PCDHA3: variants seen among roughly 807,000 people sequenced by gnomAD.
The protein encoded by PCDHA3 is protocadherin alpha-3.
PCDHA3 carries 41 observed loss-of-function variants against 62.2 expected under a neutral mutation model. The observed-to-expected ratio is 0.66, with a 90% CI of 0.51 to 0.86. The LOEUF is 0.86. PCDHA3 is among the 40% of genes least tolerant of loss of function. The pLI, the probability that PCDHA3 is intolerant of heterozygous loss-of-function variation, is 0.00. For synonymous variants in PCDHA3, 640 were observed against 555.4 expected, an observed-to-expected ratio of 1.15 and a Z score of -2.14; for missense variants, 1,304 against 1,241.2, an observed-to-expected ratio of 1.05 and a Z score of -0.76.
chr5:140,892,578 T>G (rs2063581965), intron 1 of PCDHA3, among the ~76,000 whole-genome samples: 1 of 152,178 alleles, frequency 6.6e-6, no homozygotes, highest in Non-Finnish European at 1.5e-5. Context: ...AAAGTATATC[T>G]CAGTATTCAT....
intron 1 of PCDHA3, among the ~76,000 whole-genome samples, chr5:140,974,578 C>T (rs1554236214): frequency 6.6e-6 from 1 of 152,170 alleles, no homozygotes; most frequent in Admixed American, 6.5e-5. Flanking sequence ...ATGGCATGAT[C>T]TTGGCTCACT....
intron 1 of PCDHA3, chr5:140,875,466 T>A (rs782683106): frequency 2.4e-5 from 39 of 1,599,908 alleles, no homozygotes; most frequent in Admixed American, 1.2e-4. Flanking sequence ...GGCCCTCATT[T>A]TCTGCAATGG....
rs549399459 is a variant in PCDHA3, at chr5:140,802,727, A to G, written c.1530A>G (p.Val510=). 111 of 1,612,528 alleles carry G rather than the reference A, an allele frequency of 6.9e-5. 1 individual carries two copies. In the South Asian group the frequency reaches 9.4e-4, roughly 14 times the overall value. Residue 510 remains valine, a synonymous_variant, in exon 1 of 4, where the codon GTA becomes GTG. Coordinates refer to ENST00000522353, the MANE Select transcript of PCDHA3 (RefSeq NM_018906.3). ...GCGCGCTGTCGAGCTACGTGTCGGT[A>G]CACGCGGAGAGCGGCAAGGTGTACG... is the stretch of plus-strand genomic sequence containing the variant. ...GERALSSYVS[V]HAESGKVYAL...
At chr5:140,927,868 C>T (rs782143210) in intron 1 of PCDHA3, 2 of 1,614,220 alleles carry the variant, frequency 1.2e-6, no homozygotes, top group Admixed American at 1.7e-5. Flanking sequence ...CACCGCTAAA[C>T]TGCTGGTGGA....
At chr5:140,826,225 A>T (rs1768853170) in intron 1 of PCDHA3, among the ~76,000 whole-genome samples, 1 of 152,198 alleles carries the variant, frequency 6.6e-6, no homozygotes, top group Non-Finnish European at 1.5e-5. Flanking sequence ...AAGTTTTGTG[A>T]TATAAACTAT....
At chr5:140,937,890 C>G (rs1209951664) in intron 1 of PCDHA3, among the ~76,000 whole-genome samples, 1 of 145,964 alleles carries the variant, frequency 6.9e-6, no homozygotes, top group Non-Finnish European at 1.5e-5. Flanking sequence ...CCAGCCTGGG[C>G]GACAGAGTGA....
chr5:140,834,958 T>C (rs2150229449), intron 1 of PCDHA3: 5 of 1,531,514 alleles, frequency 3.3e-6, no homozygotes, highest in Non-Finnish European at 4.4e-6. Flanking sequence ...GTAAAACCTC[T>C]TGGACTTGTA....
intron 1 of PCDHA3, chr5:140,804,773 A>G (rs1562198444): frequency 3.9e-6 from 1 of 254,778 alleles, no homozygotes; most frequent in Non-Finnish European, 7.4e-6. Flanking sequence ...TTGGACTCCC[A>G]TTTAAGTTTC....
intron 2 of PCDHA3, among the ~76,000 whole-genome samples, chr5:140,979,323 T>C (rs2096844622): frequency 6.6e-6 from 1 of 152,180 alleles, no homozygotes; most frequent in Non-Finnish European, 1.5e-5. Context: ...TATGCTTTCT[T>C]TTCCTCCTTT....
intron 1 of PCDHA3, among the ~76,000 whole-genome samples, chr5:140,900,840 T>G (rs6874218): frequency 0.33 from 49,667 of 152,016 alleles, 8,381 homozygotes; most frequent in East Asian, 0.53. Flanking sequence ...ATGTACAAAG[T>G]TTCCCTTTTT....
intron 1 of PCDHA3, among the ~76,000 whole-genome samples, chr5:140,894,790 T>C (rs943284227): frequency 6.6e-6 from 1 of 152,164 alleles, no homozygotes. Flanking sequence ...ATTTGTCCTC[T>C]CCTTTAAAAA....
Position 140,841,739 on chromosome 5 carries a change from CTG to C in PCDHA3, c.2394+38150_2394+38151del, listed in dbSNP as rs2150321939. Reference sequence around the variant, plus strand: ...AGTGTTCCGGGTAAAAGACCAAAAGCTGTTTGTTTCAGAATCCAGAATGCCAG... The same window carrying C: ...AGTGTTCCGGGTAAAAGACCAAAAGCTTTGTTTCAGAATCCAGAATGCCAG... On this transcript the variant is annotated intron_variant, in intron 1 of 3. Coordinates refer to ENST00000522353, the MANE Select transcript of PCDHA3 (RefSeq NM_018906.3). 3 of 1,613,880 alleles carry C rather than the reference CTG, an allele frequency of 1.9e-6. No homozygotes were observed. In the East Asian group the frequency reaches 6.7e-5, roughly 36 times the overall value.
intron 3 of PCDHA3, among the ~76,000 whole-genome samples, chr5:140,998,767 T>C (rs367972918): frequency 5.3e-5 from 8 of 152,312 alleles, no homozygotes; most frequent in African/African-American, 1.9e-4. Flanking sequence ...TTTCACTATG[T>C]TGGTCAGGCT....
At chr5:140,874,713 T>C (rs976044407) in intron 1 of PCDHA3, among the ~76,000 whole-genome samples, 2 of 152,248 alleles carry the variant, frequency 1.3e-5, no homozygotes, top group Non-Finnish European at 1.5e-5. Context: ...AGAGCAGTTA[T>C]GTGAAAAGTT....
chr5:140,828,284 A>G (rs2150153622), intron 1 of PCDHA3: 2 of 1,614,076 alleles, frequency 1.2e-6, no homozygotes, highest in African/African-American at 2.7e-5. Flanking sequence ...GCGCCTGTTC[A>G]GGATGGCCTC....
At chr5:140,830,011 G>A (rs554678736) in intron 1 of PCDHA3, 2 of 1,613,794 alleles carry the variant, frequency 1.2e-6, no homozygotes, top group African/African-American at 1.3e-5. Flanking sequence ...TGGACGAAGC[G>A]GACTCTCCGC....
chr5:140,845,590 G>A (rs1475387499), intron 1 of PCDHA3, among the ~76,000 whole-genome samples: 3 of 149,560 alleles, frequency 2.0e-5, no homozygotes, highest in Non-Finnish European at 4.5e-5. Flanking sequence ...AAATGTGTCA[G>A]AAGTTAGTTA....
At chr5:140,940,809 C>G (rs1308338406) in intron 1 of PCDHA3, among the ~76,000 whole-genome samples, 1 of 152,118 alleles carries the variant, frequency 6.6e-6, no homozygotes, top group Admixed American at 6.5e-5. Flanking sequence ...GCCAGGATAT[C>G]CTGAGATCTT....
chr5:140,897,727 T>G (rs1468942464), intron 1 of PCDHA3, among the ~76,000 whole-genome samples: 1 of 152,148 alleles, frequency 6.6e-6, no homozygotes, highest in Non-Finnish European at 1.5e-5. Context: ...CTGGGTCAAA[T>G]AGTATTTCTA....
Sources: allele counts gnomAD v4.1 joint callset (sites outside exome capture counted in the v4.1 genomes callset), GRCh38; gene constraint gnomAD v4.1.1; transcripts MANE v1.5; gene names NCBI Gene and HGNC (gene_info 2026-07-23, HGNC 2026-07-21).